TM7SF3: variants seen among roughly 807,000 people sequenced by gnomAD.
The protein encoded by TM7SF3 is seven span transmembrane protein.
Under a neutral mutation model 65.5 loss-of-function variants are expected in TM7SF3, and 60 were observed. The observed-to-expected ratio is 0.92, with a 90% CI of 0.74 to 1.14. TM7SF3 has a LOEUF of 1.14. Among genes scored for constraint, TM7SF3 ranks in the 50% most tolerant of loss-of-function variants. The pLI, the probability that TM7SF3 is intolerant of heterozygous loss-of-function variation, is 0.00. For missense variants in TM7SF3, 623 were observed against 684.8 expected, an observed-to-expected ratio of 0.91 and a Z score of 1.01; for synonymous variants, 264 against 259.6, an observed-to-expected ratio of 1.02 and a Z score of -0.16.
chr12:26,999,383 G>A (rs900737159), intron 3 of TM7SF3, 143 bp downstream of exon 3: 7 of 793,712 alleles, frequency 8.8e-6, no homozygotes, highest in African/African-American at 3.6e-5. Context: ...GTGACAGTGC[G>A]AGACTCCATC....
At chr12:26,976,418 T>C (rs1939568266) in intron 9 of TM7SF3, 61 bp from the exon 10 acceptor site, 5 of 1,123,872 alleles carry the variant, frequency 4.4e-6, no homozygotes, top group South Asian at 1.3e-5. Flanking sequence ...AGTTGGTTTC[T>C]TGGAACATCT....
At chr12:26,976,846 A>C (rs919228871) in intron 9 of TM7SF3, among the ~76,000 whole-genome samples, 1 of 152,228 alleles carries the variant, frequency 6.6e-6, no homozygotes, top group Non-Finnish European at 1.5e-5. Context: ...TTTTACCGTC[A>C]AAGCATGTCC....
intron 10 of TM7SF3, 182 bp from the exon 11 acceptor site, chr12:26,975,840 CAT>C (rs1344169374): frequency 1.7e-6 from 1 of 602,916 alleles, no homozygotes; most frequent in Non-Finnish European, 2.9e-6. Context: ...CTTCAACATC[CAT>C]ATGAGTTCTT....
chr12:26,983,241 T>TGG (rs1939895029), intron 6 of TM7SF3, among the ~76,000 whole-genome samples: 1 of 17,974 alleles, frequency 5.6e-5, no homozygotes, highest in Admixed American at 5.8e-4. Context: ...GGGGGGGAGG[T>TGG]GGTGGGGGTG....
At chr12:26,975,760 A>C (rs1435938513) in intron 10 of TM7SF3, 102 bp from the exon 11 acceptor site, 2 of 1,308,066 alleles carry the variant, frequency 1.5e-6, no homozygotes, top group Non-Finnish European at 2.1e-6. Context: ...CTGCTCCCTC[A>C]GGCATGAAAA....
intron 5 of TM7SF3, among the ~76,000 whole-genome samples, chr12:26,991,455 A>G (rs549125949): frequency 1.3e-5 from 2 of 152,340 alleles, no homozygotes; most frequent in South Asian, 2.1e-4. Flanking sequence ...CCCGGCCAGT[A>G]GTTCTTAACT....
intron 4 of TM7SF3, among the ~76,000 whole-genome samples, chr12:26,996,496 C>G (rs2136426224): frequency 6.6e-6 from 1 of 152,330 alleles, no homozygotes; most frequent in East Asian, 1.9e-4. Context: ...GATGTATTTT[C>G]AAGCTCATAA....
At chr12:27,003,656 C>T (rs1441572862) in intron 1 of TM7SF3, among the ~76,000 whole-genome samples, 1 of 152,162 alleles carries the variant, frequency 6.6e-6, no homozygotes. Context: ...TCCTGGAACC[C>T]AGAGAAACTT....
chr12:27,011,868 A>T (rs116035763), intron 1 of TM7SF3, among the ~76,000 whole-genome samples: 51 of 152,332 alleles, frequency 3.3e-4, no homozygotes, highest in African/African-American at 1.2e-3. Context: ...TCTGAAAAAA[A>T]TTAATTTCTC....
At chr12:26,994,004 T>C (rs1339388960) in intron 5 of TM7SF3, among the ~76,000 whole-genome samples, 1 of 152,216 alleles carries the variant, frequency 6.6e-6, no homozygotes, top group Non-Finnish European at 1.5e-5. Flanking sequence ...AACAGGCTCC[T>C]GAATCTCTTT....
intron 9 of TM7SF3, among the ~76,000 whole-genome samples, chr12:26,977,423 G>C (rs1939614706): frequency 6.6e-6 from 1 of 152,248 alleles, no homozygotes; most frequent in African/African-American, 2.4e-5. Flanking sequence ...GTAGTGGTCA[G>C]CCAAATATTT....
In TM7SF3 at chr12:26,974,186, C is replaced by T. The variant is rs1939473908; in HGVS notation, c.1492G>A (p.Gly498Arg). The change falls in exon 12 of 12, where the codon GGA becomes AGA. Residue 498 changes from glycine to arginine, a missense_variant. Coordinates refer to ENST00000343028, the MANE Select transcript of TM7SF3 (RefSeq NM_016551.3). ...LAVWGMLAVSGITLQIRRERG... is the reference protein window; with the variant it reads ...LAVWGMLAVSRITLQIRRERG... ...TCTCTTCGAATCTGTAACGTAATTC[C>T]ACTTACAGCCAGCATGCCCCATACT... The T allele has an allele frequency of 1.9e-6, 3 of 1,614,134 alleles. No individual in the cohort carries two copies. Among genetic ancestry groups the T allele is most frequent in the Non-Finnish European group, 2.5e-6 (3 of 1,180,016 alleles).
At chr12:27,000,273 G>T (rs1940776072) in intron 2 of TM7SF3, among the ~76,000 whole-genome samples, 1 of 152,180 alleles carries the variant, frequency 6.6e-6, no homozygotes, top group Non-Finnish European at 1.5e-5. Context: ...AGGAATAGCA[G>T]ATGCACAGTG....
chr12:27,014,274 G>T lies in TM7SF3; in HGVS notation c.-106C>A. Reference sequence around the variant, plus strand: ...ACGCTATCCCGGGGCGCCCGCATCGGGCGCCATCGCCCGCCAGGTGCAGAC... The same window carrying T: ...ACGCTATCCCGGGGCGCCCGCATCGTGCGCCATCGCCCGCCAGGTGCAGAC... On this transcript the variant is annotated 5_prime_UTR_variant, in exon 1 of 12. Transcript: ENST00000343028. 1 of 1,045,758 alleles carries T rather than the reference G, an allele frequency of 9.6e-7. No individual in the cohort carries two copies. The highest frequency in any genetic ancestry group is 3.9e-5 in the Admixed American group (1 of 25,922). The allele number at this position is 1,045,758 out of a possible 1,614,324, so 64.8% of individuals were successfully genotyped here. A position where few individuals can be genotyped will look rare whatever the true frequency, so the allele number is the denominator to read the frequency against.
Position 26,996,645 on chromosome 12 carries a change from T to G in TM7SF3, c.518+97A>C. The G allele has an allele frequency of 3.1e-6, 4 of 1,300,280 alleles. No individual in the cohort carries two copies. In the South Asian group the frequency reaches 6.2e-5, roughly 20 times the overall value. 80.5% of individuals were successfully genotyped at this position (1,300,280 alleles called of 1,614,324 possible). On this transcript the variant is annotated intron_variant, in intron 4 of 11. Transcript: ENST00000343028. ...CCCCCAAAAATTAACTCAATTTTAC[T>G]ACAGAGAATTAGGGACTTGAGAGAG...
At position 26,990,643 on chromosome 12, in the gene TM7SF3, A is replaced by G. The variant is rs751369977; in HGVS notation, c.691-16T>C. 3 of 1,608,788 alleles carry G rather than the reference A, an allele frequency of 1.9e-6. No individual in the cohort carries two copies. The highest frequency in any genetic ancestry group is 1.7e-4 in the Middle Eastern group (1 of 6,024). ...GGGTAACCACCTGAAGCCAAAAATA[A>G]CACATGATTAGTGTTTAGGGGATTT... is the stretch of plus-strand genomic sequence containing the variant. On this transcript the variant is annotated splice_polypyrimidine_tract_variant and intron_variant, in intron 5 of 11. Coordinates refer to ENST00000343028, the MANE Select transcript of TM7SF3 (RefSeq NM_016551.3).
chr12:27,006,853 C>T (rs1278746627), intron 1 of TM7SF3, among the ~76,000 whole-genome samples: 2 of 152,194 alleles, frequency 1.3e-5, no homozygotes, highest in South Asian at 2.1e-4. Flanking sequence ...TTCACCCAAT[C>T]TCCTATTAAT....
At chr12:26,984,272 T>C (rs1939944439) in intron 6 of TM7SF3, among the ~76,000 whole-genome samples, 1 of 151,720 alleles carries the variant, frequency 6.6e-6, no homozygotes, top group Non-Finnish European at 1.5e-5. Context: ...CTACTAAAAA[T>C]ACAAAAATTA....
At chr12:26,987,877 G>C (rs1426128088) in intron 6 of TM7SF3, among the ~76,000 whole-genome samples, 1 of 151,996 alleles carries the variant, frequency 6.6e-6, no homozygotes, top group Non-Finnish European at 1.5e-5. Context: ...CCAGTAAAGA[G>C]ACAAATAAAT....
Sources: allele counts gnomAD v4.1 joint callset (sites outside exome capture counted in the v4.1 genomes callset), GRCh38; gene constraint gnomAD v4.1.1; transcripts MANE v1.5; gene names NCBI Gene and HGNC (gene_info 2026-07-23, HGNC 2026-07-21).